The following ARHGAP18 variants were observed in gnomAD, a reference collection of about 807,000 sequenced individuals.
ARHGAP18 encodes the protein rho GTPase-activating protein 18.
A neutral mutation model predicts 86.2 loss-of-function variants in ARHGAP18; 67 were observed. That is an observed-to-expected ratio of 0.78 (90% confidence interval 0.64 to 0.95). ARHGAP18 has a LOEUF of 0.95. ARHGAP18 is among the 40% of genes least tolerant of loss of function. The pLI is 0.00. For synonymous variants in ARHGAP18, 283 were observed against 280.4 expected (o/e 1.01, Z -0.09); for missense variants, 691 against 780.4 (o/e 0.89, Z 1.37).
intron 10 of ARHGAP18, among the ~76,000 whole-genome samples, chr6:129,603,552 C>T (rs987179850): frequency 4.6e-5 from 7 of 152,138 alleles, no homozygotes; most frequent in African/African-American, 1.4e-4. Flanking sequence ...TACATCTTTA[C>T]ATACCTCTGC....
chr6:129,612,565 TA>T (rs1035200447), intron 7 of ARHGAP18, among the ~76,000 whole-genome samples: 16 of 148,806 alleles, frequency 1.1e-4, no homozygotes, highest in East Asian at 5.9e-4. Flanking sequence ...CAAAAGAATG[TA>T]AAAAAAAAAA....
chr6:129,700,174 A>T (rs1413620550), intron 1 of ARHGAP18, among the ~76,000 whole-genome samples: 1 of 152,256 alleles, frequency 6.6e-6, no homozygotes, highest in East Asian at 1.9e-4. Context: ...TAAGGGCACA[A>T]ATGTATAACA....
intron 1 of ARHGAP18, among the ~76,000 whole-genome samples, chr6:129,648,917 G>A (rs1773641130): frequency 6.6e-6 from 1 of 152,168 alleles, no homozygotes; most frequent in African/African-American, 2.4e-5. Flanking sequence ...AATGACCCAA[G>A]TCATTTTTAC....
chr6:129,633,994 A>G (rs1300155871), intron 4 of ARHGAP18, 48 bp downstream of exon 4: 1 of 1,480,130 alleles, frequency 6.8e-7, no homozygotes, highest in East Asian at 2.3e-5. Context: ...CTGTTATACT[A>G]ATTAAAGGGC....
At chr6:129,698,018 C>G (rs1238782540) in intron 1 of ARHGAP18, among the ~76,000 whole-genome samples, 2 of 152,162 alleles carry the variant, frequency 1.3e-5, no homozygotes, top group Admixed American at 1.3e-4. Flanking sequence ...TACCAACTTA[C>G]CTTTTCTTAC....
intron 1 of ARHGAP18, among the ~76,000 whole-genome samples, chr6:129,662,342 C>T (rs1233808557): frequency 6.6e-6 from 1 of 152,250 alleles, no homozygotes; most frequent in African/African-American, 2.4e-5. Context: ...GCCTGCTTCT[C>T]AGCTCCTTGG....
In ARHGAP18 at chr6:129,636,208, AAG is replaced by A. The variant is rs374195352; in HGVS notation, c.553-2105_553-2104del. 4.8e-3 allele frequency among the ~76,000 whole-genome samples: 729 copies of A among 152,348 alleles called. 8 individuals carry two copies. The highest frequency in any genetic ancestry group is 0.016 in the African/African-American group (679 of 41,566). On this transcript the variant is annotated intron_variant, in intron 3 of 14. Transcript: ENST00000368149. ...TGGTAAGCAAGTGCTTAACTTAAGC[AAG>A]TGCCTGGAGCAATTTAATGACCCCA...
At chr6:129,695,484 C>T (rs997245932) in intron 1 of ARHGAP18, among the ~76,000 whole-genome samples, 1 of 152,150 alleles carries the variant, frequency 6.6e-6, no homozygotes, top group African/African-American at 2.4e-5. Flanking sequence ...TAAGAATGGG[C>T]CTTTCATTTT....
intron 13 of ARHGAP18, among the ~76,000 whole-genome samples, chr6:129,581,323 G>A (rs935977354): frequency 3.3e-5 from 5 of 152,144 alleles, no homozygotes; most frequent in African/African-American, 9.7e-5. Flanking sequence ...GGGCCCTCAC[G>A]CTATGTTCCA....
At chr6:129,611,710 A>G in intron 7 of ARHGAP18, 100 bp from the exon 8 acceptor site, 5 of 939,920 alleles carry the variant, frequency 5.3e-6, no homozygotes, top group Non-Finnish European at 8.2e-6. Context: ...GATTACAATG[A>G]CATGTAAACT....
chr6:129,584,069 A>G lies in ARHGAP18; in HGVS notation c.1757T>C (p.Leu586Pro). 6.2e-7 allele frequency: 1 copy of G among 1,613,818 alleles called. No homozygotes were observed. The highest frequency in any genetic ancestry group is 8.5e-7 in the Non-Finnish European group (1 of 1,179,820). Residue 586 changes from leucine (L) to proline (P), a missense_variant, in exon 13 of 15, where the codon CTT (leucine) becomes CCT (proline). By Grantham distance (98) the Leu-to-Pro change is moderately conservative (BLOSUM62 -3). Transcript: ENST00000368149. ...QGVIRVQAPH[L>P]SKVSMAIQLT... ...CTGTATTGCCATGGAAACTTTCGAA[A>G]GATGGGGAGCTTGCACTCGAATCAC...
chr6:129,706,697 G>T (rs1490851224), intron 1 of ARHGAP18, among the ~76,000 whole-genome samples: 1 of 149,464 alleles, frequency 6.7e-6, no homozygotes, highest in East Asian at 2.0e-4. Flanking sequence ...GACCAGCCTG[G>T]TCAACATGGT....
Position 129,641,932 on chromosome 6 carries a change from T to C in ARHGAP18, c.200A>G (p.Gln67Arg), listed in dbSNP as rs1288226913. The change falls in exon 2 of 15, where the codon CAG (glutamine) becomes CGG (arginine). Residue 67 changes from glutamine to arginine, a missense_variant. Transcript: ENST00000368149. ...EKPPFDRSIS[Q>R]DSLDELSMED... ...CATAGATAGTTCATCCAAAGAATCCTGGGAAATTGATCGATCAAATGGAGG... is the reference window on the plus strand; with the variant it reads ...CATAGATAGTTCATCCAAAGAATCCCGGGAAATTGATCGATCAAATGGAGG... 1 of 1,613,898 alleles carries C rather than the reference T, an allele frequency of 6.2e-7. No individual in the cohort carries two copies. Among genetic ancestry groups the C allele is most frequent in the Non-Finnish European group, 8.5e-7 (1 of 1,179,948 alleles).
chr6:129,621,819 A>G (rs1304816379), intron 5 of ARHGAP18, among the ~76,000 whole-genome samples: 1 of 152,188 alleles, frequency 6.6e-6, no homozygotes, highest in Non-Finnish European at 1.5e-5. Flanking sequence ...AAGTCCTAAT[A>G]AGAATTATTA....
intron 12 of ARHGAP18, among the ~76,000 whole-genome samples, chr6:129,595,661 T>C (rs1788602686): frequency 6.6e-6 from 1 of 152,154 alleles, no homozygotes; most frequent in Non-Finnish European, 1.5e-5. Flanking sequence ...AATAGAAACT[T>C]TGCTATCAAT....
At chr6:129,634,010 A>AG (rs757074217) in intron 4 of ARHGAP18, 32 bp downstream of exon 4, 9 of 1,574,722 alleles carry the variant, frequency 5.7e-6, no homozygotes, top group Non-Finnish European at 7.7e-6. Context: ...AGGGCGGAAA[A>AG]AAAAAAAAAC....
chr6:129,708,970 G>A (rs1461128877), intron 1 of ARHGAP18, among the ~76,000 whole-genome samples: 8 of 152,162 alleles, frequency 5.3e-5, no homozygotes, highest in Non-Finnish European at 1.0e-4. Context: ...AACAGTTCCC[G>A]TCAGCTGGGA....
intron 7 of ARHGAP18, 102 bp from the exon 8 acceptor site, chr6:129,611,712 A>G: frequency 3.3e-6 from 3 of 912,918 alleles, no homozygotes; most frequent in Middle Eastern, 2.2e-4. Context: ...TTACAATGAC[A>G]TGTAAACTGG....
At chr6:129,600,291 G>T (rs1176765372) in intron 11 of ARHGAP18, among the ~76,000 whole-genome samples, 2 of 152,086 alleles carry the variant, frequency 1.3e-5, no homozygotes, top group Non-Finnish European at 2.9e-5. Context: ...CATTTTTGAA[G>T]ATGTTCTCAG....
Sources: gnomAD v4.1 joint callset for allele counts (sites outside exome capture counted in the v4.1 genomes callset) on GRCh38, gnomAD v4.1.1 for gene constraint, MANE v1.5 for transcripts, NCBI Gene and HGNC (gene_info 2026-07-23, HGNC 2026-07-21) for gene names.